Variants in RECK observed in about 807,000 individuals in gnomAD.
RECK encodes the protein reversion inducing cysteine rich protein with kazal motifs.
A neutral mutation model predicts 115.1 loss-of-function variants in RECK; 69 were observed. The observed-to-expected ratio is 0.60, with a 90% CI of 0.49 to 0.73. The LOEUF is 0.73. Among genes scored for constraint, RECK ranks in the 30% least tolerant of loss-of-function variants. The probability of loss-of-function intolerance (pLI) is 0.00; values close to 1 mark genes in which losing one functional copy is unlikely to be tolerated. For missense variants in RECK, 1,047 were observed against 1,203.7 expected, an observed-to-expected ratio of 0.87 and a Z score of 1.93; for synonymous variants, 414 against 419.7, an observed-to-expected ratio of 0.99 and a Z score of 0.17.
intron 2 of RECK, 62 bp downstream of exon 2, chr9:36,052,385 C>A: frequency 2.4e-6 from 3 of 1,275,224 alleles, no homozygotes; most frequent in Non-Finnish European, 3.4e-6. Context: ...GTAATCCCAG[C>A]ACTTTGGGAG....
intron 1 of RECK, among the ~76,000 whole-genome samples, chr9:36,038,800 A>G (rs1820763503): frequency 6.6e-6 from 1 of 151,496 alleles, no homozygotes; most frequent in African/African-American, 2.4e-5. Context: ...TGGTAAAACA[A>G]ACAAACAAAC....
At chr9:36,108,357 G>T (rs1175362593) in intron 14 of RECK, among the ~76,000 whole-genome samples, 193 bp downstream of exon 14, 1 of 152,094 alleles carries the variant, frequency 6.6e-6, no homozygotes, top group East Asian at 1.9e-4. Context: ...AGGGGCTAAT[G>T]GCTAATAATA....
At chr9:36,069,480 C>CA (rs60192603) in intron 6 of RECK, among the ~76,000 whole-genome samples, 18,085 of 83,994 alleles carry the variant, frequency 0.22, 2,271 homozygotes, top group African/African-American at 0.34. Flanking sequence ...GTGGAGGTTG[C>CA]AAAAAAAAAA....
At chr9:36,037,417 C>T (rs1820709837) in intron 1 of RECK, among the ~76,000 whole-genome samples, 2 of 151,742 alleles carry the variant, frequency 1.3e-5, no homozygotes, top group Admixed American at 6.6e-5. Flanking sequence ...GCGATGCCCC[C>T]GCCCAGGATC....
intron 18 of RECK, among the ~76,000 whole-genome samples, chr9:36,119,286 T>G (rs1256913623): frequency 6.6e-6 from 1 of 152,238 alleles, no homozygotes; most frequent in African/African-American, 2.4e-5. Context: ...TAATGTTTAC[T>G]TATTACAAAG....
chr9:36,037,982 G>A (rs1564093317), intron 1 of RECK, among the ~76,000 whole-genome samples: 1 of 148,372 alleles, frequency 6.7e-6, no homozygotes, highest in Non-Finnish European at 1.5e-5. Context: ...TTGCTTACAG[G>A]GAGACAGGCA....
chr9:36,097,548 G>A (rs189935549), intron 10 of RECK, among the ~76,000 whole-genome samples: 1 of 152,264 alleles, frequency 6.6e-6, no homozygotes, highest in East Asian at 1.9e-4. Flanking sequence ...CAAGGATGTG[G>A]AGAAAAGGGA....
chr9:36,036,935 C>A lies in RECK; in HGVS notation c.-64C>A. On this transcript the variant is annotated 5_prime_UTR_variant, in exon 1 of 21. Transcript: ENST00000377966. ...CTCGCGCGAGCGGCGGCGGTAGCGG[C>A]GGCAGCGGCTGCGGCCAAGCTGGGT... 1.8e-6 allele frequency: 2 copies of A among 1,095,478 alleles called. No individual in the cohort carries two copies. Among genetic ancestry groups the A allele is most frequent in the Non-Finnish European group, 1.2e-6 (1 of 849,616 alleles). The allele number at this position is 1,095,478 out of a possible 1,614,324, so 67.9% of individuals were successfully genotyped here.
chr9:36,064,080 C>T (rs1042072992), intron 5 of RECK, among the ~76,000 whole-genome samples, 200 bp downstream of exon 5: 1 of 152,166 alleles, frequency 6.6e-6, no homozygotes, highest in African/African-American at 2.4e-5. Context: ...CCTCAGCCTG[C>T]TTTTATTCTT....
intron 10 of RECK, among the ~76,000 whole-genome samples, chr9:36,092,580 C>T (rs1348075590): frequency 7.4e-6 from 1 of 135,230 alleles, no homozygotes; most frequent in African/African-American, 2.8e-5. Flanking sequence ...TTAGTAGAGA[C>T]GGGGCTTCAC....
At chr9:36,087,542 A>G in intron 8 of RECK, 152 bp from the exon 9 acceptor site, 1 of 680,618 alleles carries the variant, frequency 1.5e-6, no homozygotes, top group Non-Finnish European at 2.4e-6. Context: ...CCTAATGTAG[A>G]TGACAGGTTG....
intron 1 of RECK, among the ~76,000 whole-genome samples, chr9:36,051,241 G>T (rs1011398199): frequency 6.6e-6 from 1 of 152,074 alleles, no homozygotes; most frequent in East Asian, 1.9e-4. Context: ...GTCCTCTTGA[G>T]ACTTGTTCTG....
chr9:36,111,861 G>A (rs1824058422), intron 15 of RECK, among the ~76,000 whole-genome samples: 1 of 151,774 alleles, frequency 6.6e-6, no homozygotes, highest in Non-Finnish European at 1.5e-5. Flanking sequence ...AAAGTCTAGG[G>A]GGCCCTCAAC....
At chr9:36,058,654 ATAAT>A (rs1422162174) in intron 2 of RECK, among the ~76,000 whole-genome samples, 169 bp from the exon 3 acceptor site, 5 of 149,798 alleles carry the variant, frequency 3.3e-5, no homozygotes, top group African/African-American at 1.2e-4. Flanking sequence ...AAGTATAATA[ATAAT>A]TAATAAATAA....
At chr9:36,042,161 A>G (rs1055199564) in intron 1 of RECK, among the ~76,000 whole-genome samples, 7 of 151,796 alleles carry the variant, frequency 4.6e-5, no homozygotes, top group African/African-American at 1.7e-4. Context: ...TGCACCCATC[A>G]CTACAGTGTA....
intron 20 of RECK, among the ~76,000 whole-genome samples, chr9:36,122,549 C>T (rs1313246105): frequency 6.6e-6 from 1 of 152,198 alleles, no homozygotes; most frequent in Non-Finnish European, 1.5e-5. Context: ...AGCTACCCTC[C>T]CACCTTGGCC....
Position 36,123,150 on chromosome 9 carries a change from A to G in RECK, c.*105A>G. 2 of 817,700 alleles carry G rather than the reference A, an allele frequency of 2.4e-6. No homozygotes were observed. Among genetic ancestry groups the G allele is most frequent in the Non-Finnish European group, 3.9e-6 (2 of 514,738 alleles). 50.7% of individuals were successfully genotyped at this position (817,700 alleles called of 1,614,324 possible). On this transcript the variant is annotated 3_prime_UTR_variant, in exon 21 of 21. Coordinates refer to ENST00000377966, the MANE Select transcript of RECK (RefSeq NM_021111.3). Reference sequence around the variant, plus strand: ...TTGAATATTGGCCAAGGAAAGGCACATGTCACCTCTATTCGCCACACAGTA... The same window carrying G: ...TTGAATATTGGCCAAGGAAAGGCACGTGTCACCTCTATTCGCCACACAGTA...
At chr9:36,101,704 G>A (rs1369821571) in intron 11 of RECK, among the ~76,000 whole-genome samples, 2 of 152,142 alleles carry the variant, frequency 1.3e-5, no homozygotes, top group Non-Finnish European at 2.9e-5. Flanking sequence ...ACTAAAAAGA[G>A]ACTTAGATAA....
intron 3 of RECK, among the ~76,000 whole-genome samples, chr9:36,059,215 G>A (rs141224800): frequency 2.6e-5 from 4 of 152,172 alleles, no homozygotes; most frequent in African/African-American, 9.6e-5. Flanking sequence ...CCAGCACTTT[G>A]GGAGTCTGAG....
Sources: gnomAD v4.1 joint callset for allele counts (sites outside exome capture counted in the v4.1 genomes callset) on GRCh38, gnomAD v4.1.1 for gene constraint, MANE v1.5 for transcripts, NCBI Gene and HGNC (gene_info 2026-07-23, HGNC 2026-07-21) for gene names.